The following FAM3B variants were observed in gnomAD, a reference collection of about 807,000 sequenced individuals.
The protein encoded by FAM3B is FAM3 metabolism regulating signaling molecule B.
Under a neutral mutation model 28.4 loss-of-function variants are expected in FAM3B, and 29 were observed. The ratio of observed to expected loss-of-function variants is 1.02; its 90% CI spans 0.76 to 1.39. The LOEUF (loss-of-function observed/expected upper bound fraction) is 1.39. FAM3B is among the 40% of genes most tolerant of loss of function. The probability of loss-of-function intolerance (pLI) is 0.00; values close to 1 mark genes in which losing one functional copy is unlikely to be tolerated. For missense variants in FAM3B, 266 were observed against 293.9 expected, an observed-to-expected ratio of 0.91 and a Z score of 0.69; for synonymous variants, 91 against 103.0, an observed-to-expected ratio of 0.88 and a Z score of 0.71.
intron 1 of FAM3B, among the ~76,000 whole-genome samples, chr21:41,318,940 T>C (rs1170149378): frequency 6.6e-6 from 1 of 152,232 alleles, no homozygotes; most frequent in Admixed American, 6.6e-5. Flanking sequence ...TAGCCCAGAC[T>C]GAAATGCAGT....
At chr21:41,316,466 G>C (rs143724560), upstream of FAM3B, among the ~76,000 whole-genome samples, 1 of 152,360 alleles carries the variant, frequency 6.6e-6, no homozygotes, top group Non-Finnish European at 1.5e-5. Context: ...TCATTTGAAA[G>C]GCTTGGGTCA....
chr21:41,329,476 T>C (rs1211748037), intron 2 of FAM3B, among the ~76,000 whole-genome samples: 2 of 152,230 alleles, frequency 1.3e-5, no homozygotes, highest in African/African-American at 4.8e-5. Context: ...TCAAGTCACC[T>C]TTATTTTACT....
chr21:41,316,962 CG>C, intron 1 of FAM3B, 64 bp downstream of exon 1: 1 of 1,245,644 alleles, frequency 8.0e-7, no homozygotes, highest in Non-Finnish European at 1.0e-6. Context: ...GGGGAAGCGT[CG>C]CTCCCCAACC....
rs947237220 is a variant in FAM3B, at chr21:41,338,276, G to T, written c.164-102G>T. On this transcript the variant is annotated intron_variant, in intron 2 of 7. Transcript: ENST00000357985. The stretch of plus-strand genomic sequence containing the variant: ...CCCTCAGGTTTTCCGACCGCTGCTT[G>T]GAGTTTCTGGTATGAAGTGCTGGTG... 3 of 1,416,868 alleles carry T rather than the reference G, an allele frequency of 2.1e-6. No homozygotes were observed. In the East Asian group the frequency reaches 7.0e-5, roughly 33 times the overall value. The allele number at this position is 1,416,868 out of a possible 1,614,324, so 87.8% of individuals were successfully genotyped here. A position where few individuals can be genotyped will look rare whatever the true frequency, so the allele number is the denominator to read the frequency against.
intron 1 of FAM3B, among the ~76,000 whole-genome samples, chr21:41,306,190 G>A (rs1195458942): frequency 6.6e-6 from 1 of 152,182 alleles, no homozygotes; most frequent in Non-Finnish European, 1.5e-5. Context: ...CATTCTTAAT[G>A]CTAGTTCTCT....
chr21:41,316,763 C>A, upstream of FAM3B: 1 of 1,077,608 alleles, frequency 9.3e-7, no homozygotes, highest in Non-Finnish European at 1.2e-6. Flanking sequence ...ACCCAGCTGG[C>A]CCGCCCCTGC....
chr21:41,345,472 A>G (rs2089048573), intron 4 of FAM3B, among the ~76,000 whole-genome samples: 2 of 152,184 alleles, frequency 1.3e-5, no homozygotes, highest in African/African-American at 4.8e-5. Flanking sequence ...AAACTGGAAG[A>G]AAGTTCTAGC....
chr21:41,342,006 C>G (rs2089011042), intron 3 of FAM3B, among the ~76,000 whole-genome samples: 1 of 152,228 alleles, frequency 6.6e-6, no homozygotes, highest in African/African-American at 2.4e-5. Context: ...TCTGAAATAT[C>G]TTTACTTCAC....
intron 2 of FAM3B, among the ~76,000 whole-genome samples, chr21:41,331,225 A>G (rs748050097): frequency 3.3e-5 from 5 of 152,050 alleles, no homozygotes; most frequent in Non-Finnish European, 5.9e-5. Context: ...AGTTATTTGT[A>G]TGTCTTCTTT....
intron 5 of FAM3B, chr21:41,346,014 C>CTT (rs35090853): frequency 1.1e-4 from 25 of 224,504 alleles, no homozygotes; most frequent in South Asian, 1.1e-4. Flanking sequence ...GAGAAAAAGC[C>CTT]TTTTTTTTAA....
intron 1 of FAM3B, among the ~76,000 whole-genome samples, chr21:41,304,682 A>G (rs73368362): frequency 6.2e-4 from 95 of 152,288 alleles, no homozygotes; most frequent in African/African-American, 2.0e-3. Context: ...ACGGGCGACC[A>G]GGGACTGCAT....
At chr21:41,344,427 G>T in intron 3 of FAM3B, 49 bp from the exon 4 acceptor site, 1 of 1,549,820 alleles carries the variant, frequency 6.5e-7, no homozygotes, top group Non-Finnish European at 8.9e-7. Flanking sequence ...GCGGAGCGGG[G>T]AGAGTCGCAC....
intron 3 of FAM3B, among the ~76,000 whole-genome samples, chr21:41,341,817 G>A (rs191686318): frequency 1.3e-5 from 2 of 152,304 alleles, no homozygotes; most frequent in African/African-American, 4.8e-5. Context: ...ATACATTTTT[G>A]TTGAGTGTTT....
chr21:41,312,475 A>G (rs2088720597), upstream of FAM3B, among the ~76,000 whole-genome samples: 1 of 152,150 alleles, frequency 6.6e-6, no homozygotes, highest in African/African-American at 2.4e-5. Context: ...CCAGGGTCTC[A>G]TGGATCCTAG....
chr21:41,334,418 G>A (rs1384081237), intron 2 of FAM3B, among the ~76,000 whole-genome samples: 1 of 152,202 alleles, frequency 6.6e-6, no homozygotes, highest in Admixed American at 6.5e-5. Context: ...AACCTGTTCA[G>A]CTTCTAGACA....
intron 2 of FAM3B, among the ~76,000 whole-genome samples, chr21:41,336,974 G>T (rs762974605): frequency 6.6e-6 from 1 of 151,884 alleles, no homozygotes; most frequent in Non-Finnish European, 1.5e-5. Context: ...TAAATCTGTC[G>T]AGCTCATCTG....
In FAM3B at chr21:41,337,201, C is replaced by A. The variant is rs78044223; in HGVS notation, c.164-1177C>A. Among the ~76,000 whole-genome samples the A allele has an allele frequency of 1.8e-3, 280 of 152,304 alleles. 2 individuals are homozygous for A. In the East Asian group the frequency reaches 0.021, roughly 11 times the overall value. ...GAGTACAGTAATTCATAAAATAGAG[C>A]CAAGTCTCTACTCAAACTTAAGGTG... On this transcript the variant is annotated intron_variant, in intron 2 of 7. Transcript: ENST00000357985.
Position 41,354,362 on chromosome 21 carries a change from A to G in FAM3B, c.619-2746A>G, listed in dbSNP as rs886903354. Reference sequence around the variant, plus strand: ...GCAAAGGAATAGAAATTGTTATATTATAAAGACACGTACTCACATATGTTC... The same window carrying G: ...GCAAAGGAATAGAAATTGTTATATTGTAAAGACACGTACTCACATATGTTC... On this transcript the variant is annotated intron_variant, in intron 7 of 7. Coordinates refer to ENST00000357985, the MANE Select transcript of FAM3B (RefSeq NM_058186.4). 7.2e-5 allele frequency among the ~76,000 whole-genome samples: 11 copies of G among 152,264 alleles called. 1 individual carries two copies. Among genetic ancestry groups the G allele is most frequent in the Admixed American group, 6.5e-4 (10 of 15,292 alleles).
chr21:41,336,240 G>A (rs930018555), intron 2 of FAM3B, among the ~76,000 whole-genome samples: 7 of 152,172 alleles, frequency 4.6e-5, no homozygotes, highest in Non-Finnish European at 1.0e-4. Flanking sequence ...TTAAGAAATA[G>A]GCCAGGCATG....
Sources: gnomAD v4.1 joint callset for allele counts (sites outside exome capture counted in the v4.1 genomes callset) on GRCh38, gnomAD v4.1.1 for gene constraint, MANE v1.5 for transcripts, NCBI Gene and HGNC (gene_info 2026-07-23, HGNC 2026-07-21) for gene names.